GATB: variants seen among roughly 807,000 people sequenced by gnomAD.
The protein encoded by GATB is glutamyl-tRNA(Gln) amidotransferase subunit B, mitochondrial.
GATB carries 39 observed loss-of-function variants against 62.3 expected under a neutral mutation model. The ratio of observed to expected loss-of-function variants is 0.63; its 90% CI spans 0.48 to 0.82. GATB has a LOEUF of 0.82. Ranked by LOEUF, GATB falls within the 40% of genes least tolerant of loss-of-function variation. The pLI is 0.00. For synonymous variants in GATB, 276 were observed against 258.9 expected (o/e 1.07, Z -0.63); for missense variants, 670 against 684.0 (o/e 0.98, Z 0.23).
intron 2 of GATB, among the ~76,000 whole-genome samples, chr4:151,741,108 ACCAAGTC>A (rs1231592400): frequency 6.6e-6 from 1 of 152,184 alleles, no homozygotes; most frequent in African/African-American, 2.4e-5. Flanking sequence ...CTCGGATGGT[ACCAAGTC>A]CGATATAGAC....
chr4:151,673,795 C>A (rs1184391702), intron 11 of GATB: 1 of 152,160 alleles, frequency 6.6e-6, no homozygotes, highest in Non-Finnish European at 1.5e-5. Context: ...CTGTTGGTCT[C>A]CCACCGGTGC....
In GATB at chr4:151,730,248, T is replaced by C. The variant is rs528896445; in HGVS notation, c.328-10710A>G. ...CAGTGACCTGGGAATCTCATCCCCA[T>C]CATCCACAGCAGCCGCAGCAAGACC... On this transcript the variant is annotated intron_variant, in intron 2 of 12. Transcript: ENST00000263985. This position sits in a 1 kb window ranked among gnomAD's most constrained non-coding sequence, Gnocchi z 4.1. Among the ~76,000 whole-genome samples, 2 of 152,248 alleles carry C rather than the reference T, an allele frequency of 1.3e-5. No individual in the cohort carries two copies. The highest frequency in any genetic ancestry group is 2.1e-4 in the South Asian group (1 of 4,814).
At chr4:151,725,014 T>TAA (rs773628616) in intron 2 of GATB, among the ~76,000 whole-genome samples, 77 of 152,198 alleles carry the variant, frequency 5.1e-4, no homozygotes, top group Non-Finnish European at 1.0e-3. Flanking sequence ...AGAGGCTTTA[T>TAA]TACACATGAG....
chr4:151,719,408 T>A lies in GATB; in HGVS notation c.441+17A>T. The A allele has an allele frequency of 6.4e-7, 1 of 1,571,674 alleles. No homozygotes were observed. The highest frequency in any genetic ancestry group is 8.8e-7 in the Non-Finnish European group (1 of 1,142,800). On this transcript the variant is annotated intron_variant, in intron 3 of 12. Coordinates refer to ENST00000263985, the MANE Select transcript of GATB (RefSeq NM_004564.3). ...CTCTGAGAACTTGCAGTGGGGTGGA[T>A]CACAAAGTGTACTTACAGGGAGGTC...
rs141241995 is a variant in GATB at position 151,678,408 on chromosome 4, C to T, written c.1410+1405G>A. On this transcript the variant is annotated intron_variant, in intron 11 of 12. Transcript: ENST00000263985. ...AAAGGGGAAGGTTTTTCCCTTCTTT[C>T]ATTTCACGTGCAATAATTCAATGTG... 4.6e-5 allele frequency among the ~76,000 whole-genome samples: 7 copies of T among 151,882 alleles called. No individual in the cohort carries two copies. In the East Asian group the frequency reaches 1.4e-3, roughly 29 times the overall value.
rs548022228 is a variant in GATB at position 151,728,581 on chromosome 4, T to C, written c.328-9043A>G. ...AAACACAAACTCATTCATCTAGATT[T>C]GCCCCATACTGAAACTGTCAAGTCT... On this transcript the variant is annotated intron_variant, in intron 2 of 12. Coordinates refer to ENST00000263985, the MANE Select transcript of GATB (RefSeq NM_004564.3). 2.0e-5 allele frequency among the ~76,000 whole-genome samples: 3 copies of C among 152,310 alleles called. No individual in the cohort carries two copies. In the South Asian group the frequency reaches 6.2e-4, roughly 32 times the overall value.
chr4:151,718,312 C>T (rs1002396777), intron 3 of GATB, among the ~76,000 whole-genome samples: 1 of 151,968 alleles, frequency 6.6e-6, no homozygotes, highest in African/African-American at 2.4e-5. Context: ...TATAGGACAC[C>T]CAGTTAAATC....
At chr4:151,743,094 T>C (rs1177032792) in intron 2 of GATB, among the ~76,000 whole-genome samples, 1 of 152,126 alleles carries the variant, frequency 6.6e-6, no homozygotes, top group Non-Finnish European at 1.5e-5. Flanking sequence ...TAAAGAAAAT[T>C]AGTGAACTAG....
intron 12 of GATB, among the ~76,000 whole-genome samples, chr4:151,671,655 C>T (rs1394606654): frequency 6.6e-6 from 1 of 152,136 alleles, no homozygotes; most frequent in Admixed American, 6.5e-5. Flanking sequence ...TGAATCACTG[C>T]GTCTAATCAG....
At chr4:151,746,311 G>T (rs1358532452) in intron 2 of GATB, among the ~76,000 whole-genome samples, 1 of 152,128 alleles carries the variant, frequency 6.6e-6, no homozygotes, top group Non-Finnish European at 1.5e-5. Flanking sequence ...AAACAGACTT[G>T]TAAAGCCCAT....
At chr4:151,748,760 C>T (rs1739655557) in intron 2 of GATB, among the ~76,000 whole-genome samples, 2 of 152,044 alleles carry the variant, frequency 1.3e-5, no homozygotes, top group African/African-American at 2.4e-5. Context: ...TGCAATCTAC[C>T]CATCTGACAA....
intron 2 of GATB, among the ~76,000 whole-genome samples, chr4:151,747,917 T>C (rs1345372755): frequency 6.6e-6 from 1 of 151,974 alleles, no homozygotes. Context: ...CAGAGTGAGA[T>C]GTAAGAAGCA....
In GATB at chr4:151,716,125, C is replaced by T; in HGVS notation, c.647G>A (p.Gly216Asp). Residue 216 changes from glycine (G) to aspartate (D), a missense_variant, in exon 5 of 13, where the codon GGC becomes GAC. Transcript: ENST00000263985. ...GGGCTCCAGGACCACCTCCAGAAGG[C>T]CCACTCCTACCAAAGAGGGGCAGAG... ...TLIDLNRAGVGLLEVVLEPDM... is the reference protein window; with the variant it reads ...TLIDLNRAGVDLLEVVLEPDM... 1.2e-6 allele frequency: 2 copies of T among 1,612,876 alleles called. No individual in the cohort carries two copies. The highest frequency in any genetic ancestry group is 4.5e-5 in the East Asian group (2 of 44,854).
chr4:151,735,464 A>C (rs200593809), intron 2 of GATB, among the ~76,000 whole-genome samples: 1 of 151,958 alleles, frequency 6.6e-6, no homozygotes, highest in Non-Finnish European at 1.5e-5. Flanking sequence ...TGGATGCAGC[A>C]ATCAGGGAAC....
At chr4:151,748,931 G>C (rs937564210) in intron 2 of GATB, among the ~76,000 whole-genome samples, 1 of 152,226 alleles carries the variant, frequency 6.6e-6, no homozygotes, top group Admixed American at 6.5e-5. Context: ...CTGGCCATCA[G>C]AGAAATGCAA....
intron 10 of GATB, among the ~76,000 whole-genome samples, chr4:151,687,597 C>T (rs1194775394): frequency 6.6e-6 from 1 of 152,214 alleles, no homozygotes; most frequent in Admixed American, 6.5e-5. Flanking sequence ...TTGTGTCCCA[C>T]CCCAAATTCC....
At chr4:151,731,102 C>T (rs1478723061) in intron 2 of GATB, among the ~76,000 whole-genome samples, 2 of 147,078 alleles carry the variant, frequency 1.4e-5, no homozygotes, top group Admixed American at 6.7e-5. Flanking sequence ...TCCCCCTCCC[C>T]TTCCCCCTCC....
intron 9 of GATB, among the ~76,000 whole-genome samples, chr4:151,700,098 C>T (rs1258711392): frequency 3.3e-5 from 5 of 152,126 alleles, no homozygotes; most frequent in South Asian, 2.1e-4. Context: ...AGTTTTGTTA[C>T]GTCAACCTAG....
At chr4:151,697,813 T>C (rs1417415242) in intron 9 of GATB, among the ~76,000 whole-genome samples, 4 of 148,888 alleles carry the variant, frequency 2.7e-5, no homozygotes, top group African/African-American at 7.4e-5. Context: ...GGCAGGAGAA[T>C]GGCGTGAACC....
Sources: allele counts gnomAD v4.1 joint callset (sites outside exome capture counted in the v4.1 genomes callset), GRCh38; gene constraint gnomAD v4.1.1; non-coding constraint Gnocchi (gnomAD v3.1); transcripts MANE v1.5; gene names NCBI Gene and HGNC (gene_info 2026-07-23, HGNC 2026-07-21).